The following KDM5A variants were observed in gnomAD, a reference collection of about 807,000 sequenced individuals.
KDM5A encodes the protein lysine demethylase 5A.
KDM5A carries 42 observed loss-of-function variants against 193.5 expected under a neutral mutation model. That is an observed-to-expected ratio of 0.22 (90% CI 0.17 to 0.28). The LOEUF (loss-of-function observed/expected upper bound fraction) is 0.28, where lower values mean the gene tolerates loss of function less well. Among genes scored for constraint, KDM5A ranks in the 10% least tolerant of loss-of-function variants. The pLI is 1.00. For missense variants in KDM5A, 1,692 were observed against 2,055.1 expected (o/e 0.82, Z 3.42); for synonymous variants, 796 against 718.1 (o/e 1.11, Z -1.73).
At chr12:342,341 T>C (rs527658766) in intron 10 of KDM5A, among the ~76,000 whole-genome samples, 1 of 152,256 alleles carries the variant, frequency 6.6e-6, no homozygotes, top group South Asian at 2.1e-4. Flanking sequence ...GCTTTACAAA[T>C]ACAGGTCATC....
At position 326,074 on chromosome 12, in the gene KDM5A, G is replaced by A. The variant is rs76223885; in HGVS notation, c.1969-2293C>T. On this transcript the variant is annotated intron_variant, in intron 14 of 27. Transcript: ENST00000399788. Reference sequence around the variant, plus strand: ...CGCTAAGTTTTTACACGATGGTCCTGGCGCTTACTAAGATGAGGCAATTAG... The same window carrying A: ...CGCTAAGTTTTTACACGATGGTCCTAGCGCTTACTAAGATGAGGCAATTAG... 6.3e-3 allele frequency among the ~76,000 whole-genome samples: 967 copies of A among 152,302 alleles called. 7 individuals are homozygous for A. The highest frequency in any genetic ancestry group is 0.022 in the African/African-American group (916 of 41,574).
intron 24 of KDM5A, among the ~76,000 whole-genome samples, chr12:302,028 C>T (rs1943448169): frequency 6.6e-6 from 1 of 152,108 alleles, no homozygotes; most frequent in Non-Finnish European, 1.5e-5. Context: ...AAAGAGGATA[C>T]AAACAAATGG....
At chr12:285,811 G>GA (rs1943213541) in intron 27 of KDM5A, 149 bp from the exon 28 acceptor site, 1 of 756,822 alleles carries the variant, frequency 1.3e-6, no homozygotes, top group African/African-American at 1.7e-5. Flanking sequence ...ATTTTTTAAA[G>GA]AAAGAAGCTG....
chr12:375,433 T>A (rs1944490418), intron 3 of KDM5A, among the ~76,000 whole-genome samples: 1 of 152,232 alleles, frequency 6.6e-6, no homozygotes, highest in South Asian at 2.1e-4. Context: ...CATCAGGTCA[T>A]TTAAAGACTT....
intron 24 of KDM5A, 49 bp from the exon 25 acceptor site, chr12:297,249 A>AT: frequency 6.3e-7 from 1 of 1,581,512 alleles, no homozygotes; most frequent in Non-Finnish European, 8.7e-7. Flanking sequence ...CATTTAACTT[A>AT]TTTTATGACA....
chr12:284,636 C>CT lies in KDM5A; in HGVS notation c.*819dup. 4.3e-6 allele frequency: 1 copy of CT among 230,560 alleles called. No homozygotes were observed. Among genetic ancestry groups the CT allele is most frequent in the Non-Finnish European group, 8.6e-6 (1 of 116,434 alleles). 14.3% of individuals were successfully genotyped at this position (230,560 alleles called of 1,614,324 possible). On this transcript the variant is annotated 3_prime_UTR_variant, in exon 28 of 28. Transcript: ENST00000399788. ...GACTGGTCATCATCGTCATCTTCTT[C>CT]TCTTTTTTTTTTTGGCAGAAGCCTG...
rs914623262 is a variant in KDM5A at position 297,191 on chromosome 12, T to C, written c.4084A>G (p.Ser1362Gly). 6.2e-7 allele frequency: 1 copy of C among 1,613,918 alleles called. No individual in the cohort carries two copies. Among genetic ancestry groups the C allele is most frequent in the African/African-American group, 1.3e-5 (1 of 74,948 alleles). Residue 1362 changes from serine to glycine, a missense_variant, in exon 25 of 28, where the codon AGT becomes GGT. Physicochemically the swap from Ser to Gly is moderately conservative, Grantham distance 56 (BLOSUM62 0). Transcript: ENST00000399788. ...TCAAGACTACTAGAGGACTTCACAC[T>C]GGCTGTGTCCTGAAGAAGAAACAAA... The part of the protein sequence containing the change: ...TYGYDMKDTA[S>G]VKSSSSLEPN...
chr12:323,040 A>ATATG, intron 16 of KDM5A, 42 bp downstream of exon 16: 1 of 1,612,328 alleles, frequency 6.2e-7, no homozygotes, highest in Non-Finnish European at 8.5e-7. Context: ...TTTTAAAGTG[A>ATATG]CAATCAATTC....
intron 10 of KDM5A, among the ~76,000 whole-genome samples, chr12:334,939 AATAAG>A (rs971350551): frequency 4.6e-5 from 7 of 152,106 alleles, no homozygotes; most frequent in Non-Finnish European, 7.4e-5. Context: ...AAATTATAAC[AATAAG>A]ACTGACAGGA....
chr12:387,997 C>A (rs1024936384), intron 1 of KDM5A, among the ~76,000 whole-genome samples: 7 of 59,570 alleles, frequency 1.2e-4, no homozygotes, highest in Admixed American at 2.2e-4. Context: ...CCTCAACTTA[C>A]ATGAGAATCA....
Position 307,753 on chromosome 12 carries a change from G to C in KDM5A, c.3631C>G (p.Leu1211Val), listed in dbSNP as rs2137389109. ...CGAGACCGCATACAAAGAGGGCAAA[G>C]GAATTTTACTTCTTTAGCTTGCCAG... ...SSWQAKEVKFLCPLCMRSRRP... is the reference protein window; with the variant it reads ...SSWQAKEVKFVCPLCMRSRRP... Residue 1211 changes from leucine (L) to valine (V), a missense_variant, in exon 23 of 28, where the codon CTT (leucine) becomes GTT (valine). Physicochemically the swap from Leu to Val is conservative, Grantham distance 32 (BLOSUM62 1). Coordinates refer to ENST00000399788, the MANE Select transcript of KDM5A (RefSeq NM_001042603.3). This position sits in a 1 kb window ranked among gnomAD's most constrained non-coding sequence, Gnocchi z 4.3. 2 of 1,614,202 alleles carry C rather than the reference G, an allele frequency of 1.2e-6. No homozygotes were observed. The highest frequency in any genetic ancestry group is 2.2e-5 in the South Asian group (2 of 91,088).
chr12:384,697 T>C (rs1565554974), intron 2 of KDM5A, among the ~76,000 whole-genome samples: 1 of 152,240 alleles, frequency 6.6e-6, no homozygotes, highest in Non-Finnish European at 1.5e-5. Context: ...AGTTGTCATA[T>C]TAGCAACCAA....
chr12:315,929 T>C (rs181762022), intron 19 of KDM5A, among the ~76,000 whole-genome samples: 81 of 152,288 alleles, frequency 5.3e-4, no homozygotes, highest in Non-Finnish European at 1.1e-3. Context: ...AATGAAGATT[T>C]AGGAGTTACT....
chr12:353,315 C>T (rs926627670), intron 8 of KDM5A, among the ~76,000 whole-genome samples: 7 of 152,076 alleles, frequency 4.6e-5, no homozygotes, highest in Non-Finnish European at 1.0e-4. Context: ...GAGCGAGAGG[C>T]TGTAGACCGT....
chr12:317,598 C>T (rs1011048175), intron 19 of KDM5A, among the ~76,000 whole-genome samples: 2 of 152,210 alleles, frequency 1.3e-5, no homozygotes, highest in Non-Finnish European at 1.5e-5. Context: ...CATGTAGCCC[C>T]ATTTGATAAC....
intron 16 of KDM5A, 40 bp downstream of exon 16, chr12:323,042 A>G (rs1943738148): frequency 3.7e-6 from 6 of 1,612,256 alleles, no homozygotes; most frequent in Non-Finnish European, 1.7e-6. Context: ...TTAAAGTGAC[A>G]ATCAATTCAG....
At position 318,193 on chromosome 12, in the gene KDM5A, G is replaced by T; in HGVS notation, c.2810C>A (p.Ala937Asp). Residue 937 changes from alanine to aspartate, a missense_variant, in exon 19 of 28, where the codon GCT (alanine) becomes GAT (aspartate). This residue lies in a region of KDM5A where 965 missense variants were observed against 1,061.0 expected (regional missense o/e 0.91). Transcript: ENST00000399788. ...TAGTTCAGCCATTGCTTTCTCCACA[G>T]CATGGTGGGGTGCCAACCCTACCCC... is the stretch of plus-strand genomic sequence containing the variant. ...DSGVGLAPHH[A>D]VEKAMAELQE... 1 of 1,614,148 alleles carries T rather than the reference G, an allele frequency of 6.2e-7. No homozygotes were observed. The highest frequency in any genetic ancestry group is 1.7e-5 in the Admixed American group (1 of 60,022).
At position 285,324 on chromosome 12, in the gene KDM5A, C is replaced by T. The variant is rs56313801; in HGVS notation, c.*132G>A. On this transcript the variant is annotated 3_prime_UTR_variant, in exon 28 of 28. Transcript: ENST00000399788. Reference sequence around the variant, plus strand: ...AGTCCATGCAAAGAGGAAGCCAGCACTAAGGGGACTTTCTCTGAAGGCCAT... The same window carrying T: ...AGTCCATGCAAAGAGGAAGCCAGCATTAAGGGGACTTTCTCTGAAGGCCAT... 3 of 753,430 alleles carry T rather than the reference C, an allele frequency of 4.0e-6. No homozygotes were observed. The highest frequency in any genetic ancestry group is 5.2e-5 in the East Asian group (2 of 38,164). 46.7% of individuals were successfully genotyped at this position (753,430 alleles called of 1,614,324 possible).
At chr12:296,972 G>A in intron 25 of KDM5A, 69 bp downstream of exon 25, 6 of 1,492,128 alleles carry the variant, frequency 4.0e-6, no homozygotes, top group Non-Finnish European at 5.6e-6. Flanking sequence ...TCACAGTCTT[G>A]ATTAACATAA....
Sources: gnomAD v4.1 joint callset for allele counts (sites outside exome capture counted in the v4.1 genomes callset) on GRCh38, gnomAD v4.1.1 for gene constraint, gnomAD v4.1.1 regional missense constraint, Gnocchi (gnomAD v3.1) non-coding constraint, MANE v1.5 for transcripts, NCBI Gene and HGNC (gene_info 2026-07-23, HGNC 2026-07-21) for gene names.